The following HS3ST4 variants were observed in gnomAD, a reference collection of about 807,000 sequenced individuals.
HS3ST4 encodes heparan sulfate glucosamine 3-O-sulfotransferase 4.
A neutral mutation model predicts 29.2 loss-of-function variants in HS3ST4; 17 were observed. The ratio of observed to expected loss-of-function variants is 0.58; its 90% confidence interval spans 0.40 to 0.87. The LOEUF (loss-of-function observed/expected upper bound fraction) is 0.87, where lower values mean the gene tolerates loss of function less well. Among genes scored for constraint, HS3ST4 ranks in the 40% least tolerant of loss-of-function variants. The pLI is 0.00. For synonymous variants in HS3ST4, 314 were observed against 285.7 expected, an observed-to-expected ratio of 1.10 and a Z score of -1.00; for missense variants, 627 against 634.5, an observed-to-expected ratio of 0.99 and a Z score of 0.13.
At chr16:25,951,967 C>G (rs1968687016) in intron 1 of HS3ST4, among the ~76,000 whole-genome samples, 1 of 147,846 alleles carries the variant, frequency 6.8e-6, no homozygotes, top group Admixed American at 6.8e-5. Context: ...TACCCTGGAA[C>G]TTAAAAAAAA....
intron 1 of HS3ST4, among the ~76,000 whole-genome samples, chr16:25,902,408 A>G (rs1444490087): frequency 6.6e-6 from 1 of 152,046 alleles, no homozygotes; most frequent in Admixed American, 6.6e-5. Context: ...AGGTGGGAGG[A>G]TTGCTCAAGG....
At chr16:25,704,844 A>T (rs2141582210) in intron 1 of HS3ST4, among the ~76,000 whole-genome samples, 1 of 147,218 alleles carries the variant, frequency 6.8e-6, no homozygotes, top group South Asian at 2.2e-4. Flanking sequence ...ATGCCATCAC[A>T]CTCCAGCCTG....
At chr16:26,099,800 TGCACACACACAC>T (rs1898970750) in intron 1 of HS3ST4, among the ~76,000 whole-genome samples, 1 of 152,024 alleles carries the variant, frequency 6.6e-6, no homozygotes. Context: ...GACATACACA[TGCACACACACAC>T]GCACACACGC....
At chr16:25,830,731 T>G (rs988900617) in intron 1 of HS3ST4, among the ~76,000 whole-genome samples, 1 of 152,130 alleles carries the variant, frequency 6.6e-6, no homozygotes, top group Non-Finnish European at 1.5e-5. Context: ...TTTTTTTTTT[T>G]TAGCTGTCAG....
At chr16:25,847,519 T>G (rs1285089135) in intron 1 of HS3ST4, among the ~76,000 whole-genome samples, 2 of 152,214 alleles carry the variant, frequency 1.3e-5, no homozygotes, top group Admixed American at 6.5e-5. Flanking sequence ...CTAGAATATC[T>G]AAGACAATGT....
chr16:25,790,364 G>A (rs1246267947), intron 1 of HS3ST4, among the ~76,000 whole-genome samples: 1 of 152,120 alleles, frequency 6.6e-6, no homozygotes, highest in African/African-American at 2.4e-5. Flanking sequence ...AGCCGAGATC[G>A]CACCATTGCA....
chr16:25,837,782 T>C (rs1457938197), intron 1 of HS3ST4, among the ~76,000 whole-genome samples: 1 of 152,174 alleles, frequency 6.6e-6, no homozygotes, highest in East Asian at 1.9e-4. Flanking sequence ...TATTTATTTA[T>C]TTTTTTACTT....
rs958713046 is a variant in HS3ST4 at position 25,692,379 on chromosome 16, TGCCGCCGCCGCC to T, written c.-27_-16del. ...ACCATGTCCGGGCAGCGCCGGGGGC[TGCCGCCGCCGCC>T]GCCGCCGCCGCGAGCCGGGAGCCGC... On this transcript the variant is annotated 5_prime_UTR_variant, in exon 1 of 2. Coordinates refer to ENST00000331351, the MANE Select transcript of HS3ST4 (RefSeq NM_006040.3). 17 of 477,762 alleles carry T rather than the reference TGCCGCCGCCGCC, an allele frequency of 3.6e-5. 2 individuals are homozygous for T. The highest frequency in any genetic ancestry group is 3.4e-4 in the East Asian group (2 of 5,886). 29.6% of individuals were successfully genotyped at this position (477,762 alleles called of 1,614,324 possible). A position where few individuals can be genotyped will look rare whatever the true frequency, so the allele number is the denominator to read the frequency against.
intron 1 of HS3ST4, among the ~76,000 whole-genome samples, chr16:25,886,027 G>GTT (rs34713423): frequency 0.088 from 7,261 of 82,684 alleles, 680 homozygotes; most frequent in Non-Finnish European, 0.1. Context: ...TCTTACTGTG[G>GTT]TTTTTTTTTT....
intron 1 of HS3ST4, among the ~76,000 whole-genome samples, chr16:26,011,318 G>C (rs1243973762): frequency 6.6e-6 from 1 of 152,144 alleles, no homozygotes; most frequent in African/African-American, 2.4e-5. Flanking sequence ...CCAGCACTTC[G>C]GGTGGCCAAG....
In HS3ST4 at chr16:25,980,325, T is replaced by A. The variant is rs981607928; in HGVS notation, c.735-155287T>A. Among the ~76,000 whole-genome samples the A allele has an allele frequency of 3.9e-5, 6 of 152,248 alleles. No homozygotes were observed. The South Asian group carries it at 6.2e-4, about 16-fold the overall frequency. On this transcript the variant is annotated intron_variant, in intron 1 of 1. Transcript: ENST00000331351. ...GTTCCCTATCATTCCCTGCTTCTCC[T>A]GGATAATGTCTCCTTATCCTTCAGA...
intron 1 of HS3ST4, among the ~76,000 whole-genome samples, chr16:26,059,781 A>G (rs1314912939): frequency 6.6e-6 from 1 of 151,824 alleles, no homozygotes; most frequent in Non-Finnish European, 1.5e-5. Flanking sequence ...ATTTTATTTT[A>G]TTTTTATTTT....
chr16:25,904,163 AATGG>A (rs111988239), intron 1 of HS3ST4, among the ~76,000 whole-genome samples: 43,766 of 128,556 alleles, frequency 0.34, 6,704 homozygotes, highest in Middle Eastern at 0.45. Context: ...TGAATGGATG[AATGG>A]ATGGATGGAT....
chr16:26,025,032 T>A (rs1430462792), intron 1 of HS3ST4, among the ~76,000 whole-genome samples: 1 of 147,204 alleles, frequency 6.8e-6, no homozygotes, highest in Admixed American at 6.8e-5. Context: ...AAGTTCCAAC[T>A]TTTTTTTTTT....
At chr16:25,696,898 G>C (rs1966301952) in intron 1 of HS3ST4, among the ~76,000 whole-genome samples, 1 of 152,138 alleles carries the variant, frequency 6.6e-6, no homozygotes, top group African/African-American at 2.4e-5. Context: ...TTTCATTTGA[G>C]CATTTTGATG....
chr16:25,922,560 G>A (rs1222902286), intron 1 of HS3ST4, among the ~76,000 whole-genome samples: 1 of 152,194 alleles, frequency 6.6e-6, no homozygotes, highest in East Asian at 1.9e-4. Context: ...CTAAATATTG[G>A]AACTCCTTGA....
chr16:25,816,625 GT>G (rs1967094745), intron 1 of HS3ST4, among the ~76,000 whole-genome samples: 1 of 152,144 alleles, frequency 6.6e-6, no homozygotes, highest in Non-Finnish European at 1.5e-5. Context: ...GATTTCAGAG[GT>G]GTCTTAGTCT....
At chr16:25,918,442 A>T (rs1006573648) in intron 1 of HS3ST4, among the ~76,000 whole-genome samples, 5 of 152,242 alleles carry the variant, frequency 3.3e-5, no homozygotes, top group Non-Finnish European at 7.3e-5. Context: ...ACCTGAGGGG[A>T]GGTAGCACTA....
At chr16:25,857,919 C>CCTTCCTTCCTTCCTTTCTTT (rs1455979612) in intron 1 of HS3ST4, among the ~76,000 whole-genome samples, 22 of 58,096 alleles carry the variant, frequency 3.8e-4, no homozygotes, top group Non-Finnish European at 5.7e-4. Flanking sequence ...TTCCTTCCTT[C>CCTTCCTTCCTTCCTTTCTTT]CTTTCTTTCT....
Sources: allele counts gnomAD v4.1 joint callset (sites outside exome capture counted in the v4.1 genomes callset), GRCh38; gene constraint gnomAD v4.1.1; transcripts MANE v1.5; gene names NCBI Gene and HGNC (gene_info 2026-07-23, HGNC 2026-07-21).